The following GALNT11 variants were observed in gnomAD, a reference collection of about 807,000 sequenced individuals.
The protein encoded by GALNT11 is polypeptide N-acetylgalactosaminyltransferase 11.
GALNT11 carries 47 observed loss-of-function variants against 72.7 expected under a neutral mutation model. That is an observed-to-expected ratio of 0.65 (90% CI 0.51 to 0.82). The LOEUF is 0.82. GALNT11 is among the 40% of genes least tolerant of loss of function. The pLI is 0.00. For synonymous variants in GALNT11, 270 were observed against 286.6 expected, an observed-to-expected ratio of 0.94 and a Z score of 0.58; for missense variants, 677 against 778.4, an observed-to-expected ratio of 0.87 and a Z score of 1.55.
At chr7:152,051,496 A>G (rs1172473556) in intron 1 of GALNT11, among the ~76,000 whole-genome samples, 6 of 152,060 alleles carry the variant, frequency 3.9e-5, no homozygotes, top group Non-Finnish European at 8.8e-5. Flanking sequence ...GCATCAAGGA[A>G]GATTTGGTCT....
chr7:152,104,710 A>G (rs1268296717), intron 4 of GALNT11: 1 of 152,248 alleles, frequency 6.6e-6, no homozygotes, highest in Admixed American at 6.5e-5. Context: ...ATACAGGTGA[A>G]TGACATAGAA....
At chr7:152,109,296 A>G (rs912876209) in intron 6 of GALNT11, among the ~76,000 whole-genome samples, 48 of 152,356 alleles carry the variant, frequency 3.2e-4, no homozygotes, top group African/African-American at 1.1e-3. Context: ...CTAGGTTGGC[A>G]ATAGCAGACA....
intron 1 of GALNT11, among the ~76,000 whole-genome samples, chr7:152,030,908 A>G (rs2082278342): frequency 6.6e-6 from 1 of 151,620 alleles, no homozygotes; most frequent in Non-Finnish European, 1.5e-5. Context: ...TCCCGTTTTG[A>G]TGGCTTTGGC....
intron 1 of GALNT11, among the ~76,000 whole-genome samples, chr7:152,057,462 A>G (rs2083750858): frequency 6.6e-6 from 1 of 151,878 alleles, no homozygotes; most frequent in African/African-American, 2.4e-5. Flanking sequence ...GCCTGCTACC[A>G]TGCCCGGCTA....
At position 152,094,662 on chromosome 7, in the gene GALNT11, C is replaced by T. The variant is rs1182467633; in HGVS notation, c.295+140C>T. On this transcript the variant is annotated intron_variant, in intron 2 of 11. Transcript: ENST00000430044. The surrounding 1 kb of genome is among the most constrained non-coding windows in gnomAD (Gnocchi z 4.3). ...TTTTGTTTGTGAACTACCTGAAGTT[C>T]TGTGGTTTCTGCAGACTCAGTGGGG... 3.2e-6 allele frequency: 3 copies of T among 942,958 alleles called. No homozygotes were observed. The East Asian group carries it at 8.2e-5, about 26-fold the overall frequency. The allele number at this position is 942,958 out of a possible 1,614,324, so 58.4% of individuals were successfully genotyped here. A position where few individuals can be genotyped will look rare whatever the true frequency, so the allele number is the denominator to read the frequency against.
At chr7:152,089,944 A>G (rs752350701) in intron 1 of GALNT11, among the ~76,000 whole-genome samples, 2 of 152,332 alleles carry the variant, frequency 1.3e-5, no homozygotes, top group East Asian at 1.9e-4. Context: ...GAAGTCATGA[A>G]TTTTGCGACG....
At chr7:152,107,488 G>T (rs1429722870) in intron 5 of GALNT11, 2 of 152,134 alleles carry the variant, frequency 1.3e-5, no homozygotes, top group Admixed American at 1.3e-4. Context: ...TCTCCGGGGA[G>T]AACTGCTGTG....
At chr7:152,120,012 A>C (rs1472162303) in intron 10 of GALNT11, 2 of 152,198 alleles carry the variant, frequency 1.3e-5, no homozygotes, top group African/African-American at 4.8e-5. Flanking sequence ...CAGAAAATAT[A>C]AGTTGGGGTG....
At chr7:152,034,732 T>C (rs1020814356) in intron 1 of GALNT11, among the ~76,000 whole-genome samples, 31 of 152,286 alleles carry the variant, frequency 2.0e-4, no homozygotes, top group Admixed American at 1.8e-3. Flanking sequence ...CCCTGGACCC[T>C]GCGGATGGGA....
Position 152,117,248 on chromosome 7 carries a change from A to T in GALNT11, c.1325A>T (p.Lys442Ile), listed in dbSNP as rs756939138. The change falls in exon 9 of 12, where the codon AAA (lysine) becomes ATA (isoleucine). Residue 442 changes from lysine to isoleucine, a missense_variant. Lys to Ile is a moderately radical substitution (Grantham distance 102). Coordinates refer to ENST00000430044, the MANE Select transcript of GALNT11 (RefSeq NM_022087.4). The part of the protein sequence containing the change: ...RVELRKKLGC[K>I]SFKWYLDNVY... ...GAACTGAGAAAGAAGTTGGGCTGTA[A>T]ATCATTTAAATGGTATTTGGATAAT... 6.2e-6 allele frequency: 10 copies of T among 1,614,066 alleles called. No individual in the cohort carries two copies. The highest frequency in any genetic ancestry group is 3.3e-4 in the Middle Eastern group (2 of 6,084).
intron 1 of GALNT11, among the ~76,000 whole-genome samples, chr7:152,040,295 C>T (rs867389368): frequency 3.3e-5 from 5 of 151,904 alleles, no homozygotes; most frequent in Admixed American, 6.6e-5. Flanking sequence ...GTCTCCCAAA[C>T]GAGGGAACAT....
intron 1 of GALNT11, among the ~76,000 whole-genome samples, chr7:152,070,531 T>C (rs2084575851): frequency 1.3e-5 from 2 of 152,176 alleles, no homozygotes; most frequent in Admixed American, 1.3e-4. Context: ...GTCCTTGGCT[T>C]GTGGCCCTTT....
chr7:152,059,081 C>T (rs2083856864), intron 1 of GALNT11, among the ~76,000 whole-genome samples: 1 of 152,084 alleles, frequency 6.6e-6, no homozygotes, highest in Admixed American at 6.6e-5. Flanking sequence ...TTGACCTCCT[C>T]GAATGAATGG....
chr7:152,087,989 A>T (rs2085761142), intron 1 of GALNT11, among the ~76,000 whole-genome samples: 1 of 152,210 alleles, frequency 6.6e-6, no homozygotes, highest in South Asian at 2.1e-4. Context: ...TCATTATACC[A>T]TTGATTCCCA....
At chr7:152,058,777 C>G (rs2083838204) in intron 1 of GALNT11, among the ~76,000 whole-genome samples, 10 of 152,232 alleles carry the variant, frequency 6.6e-5, no homozygotes, top group Admixed American at 6.5e-4. Context: ...TAAAACCCTG[C>G]TGCTACTTTA....
At chr7:152,087,863 A>G (rs548758804) in intron 1 of GALNT11, among the ~76,000 whole-genome samples, 3 of 152,356 alleles carry the variant, frequency 2.0e-5, no homozygotes, top group African/African-American at 7.2e-5. Flanking sequence ...TAAGATGGAC[A>G]ATGTCATTAA....
At chr7:152,055,344 T>A (rs960583849) in intron 1 of GALNT11, among the ~76,000 whole-genome samples, 1 of 152,154 alleles carries the variant, frequency 6.6e-6, no homozygotes. Context: ...TTAAACTCAT[T>A]TATGGAATTC....
chr7:152,066,926 A>C (rs2084344624), intron 1 of GALNT11, among the ~76,000 whole-genome samples: 2 of 152,246 alleles, frequency 1.3e-5, no homozygotes, highest in Admixed American at 6.5e-5. Flanking sequence ...GTATTCGCAA[A>C]ACGTAACACC....
intron 1 of GALNT11, among the ~76,000 whole-genome samples, chr7:152,082,941 T>C (rs1765298581): frequency 1.3e-5 from 2 of 152,368 alleles, no homozygotes; most frequent in Admixed American, 1.3e-4. Flanking sequence ...TTTGTGTTTC[T>C]GTTCTGTGAA....
Sources: gnomAD v4.1 joint callset for allele counts (sites outside exome capture counted in the v4.1 genomes callset) on GRCh38, gnomAD v4.1.1 for gene constraint, Gnocchi (gnomAD v3.1) non-coding constraint, MANE v1.5 for transcripts, NCBI Gene and HGNC (gene_info 2026-07-23, HGNC 2026-07-21) for gene names.